The following FYB1 variants were observed in gnomAD, a reference collection of about 807,000 sequenced individuals.
The protein encoded by FYB1 is FYN-binding protein 1.
In FYB1, 41 loss-of-function variants were observed where a neutral mutation model predicts 94.1. The ratio of observed to expected loss-of-function variants is 0.44; its 90% confidence interval spans 0.34 to 0.57. The LOEUF (loss-of-function observed/expected upper bound fraction) is 0.57. Among genes scored for constraint, FYB1 ranks in the 20% least tolerant of loss-of-function variants. FYB1 has a pLI of 0.02. For synonymous variants in FYB1, 367 were observed against 353.2 expected (o/e 1.04, Z -0.44); for missense variants, 1,050 against 976.8 (o/e 1.07, Z -1.00).
Position 39,219,513 on chromosome 5 carries a change from T to C in FYB1, c.-98A>G, listed in dbSNP as rs6863066. 0.81 allele frequency: 796,493 copies of C among 985,256 alleles called. 329,478 individuals carry two copies. The highest frequency in any genetic ancestry group is 0.85 in the Non-Finnish European group (702,945 of 829,896). The allele number at this position is 985,256 out of a possible 1,614,324, so 61.0% of individuals were successfully genotyped here. ...TCTTCCTGGGCCAGGGTCTGGGCCC[T>C]ACTCACTTCTAGCTGTCGCATCTGC... On this transcript the variant is annotated 5_prime_UTR_variant, in exon 1 of 19. Coordinates refer to ENST00000512982, the MANE Select transcript of FYB1 (RefSeq NM_001465.6).
At position 39,118,922 on chromosome 5, in the gene FYB1, G is replaced by C. The variant is rs1580309088; in HGVS notation, c.2353C>G (p.Gln785Glu). The change falls in exon 16 of 19, where the codon CAA becomes GAA. Residue 785 changes from glutamine (Q) to glutamate (E), a missense_variant. Transcript: ENST00000512982. ...AGAACTTTTGTGTCATCTGTGGTTT[G>C]TATAACTTCTAGAGATTCACCAGGT... ...VKPGESLEVI[Q>E]TTDDTKVLCR... is the part of the protein sequence containing the mutation. 11 of 1,562,322 alleles carry C rather than the reference G, an allele frequency of 7.0e-6. No homozygotes were observed. The highest frequency in any genetic ancestry group is 8.7e-6 in the Non-Finnish European group (10 of 1,150,130).
chr5:39,236,119 G>T (rs1381838273), intron 1 of FYB1, among the ~76,000 whole-genome samples: 1 of 151,426 alleles, frequency 6.6e-6, no homozygotes, highest in African/African-American at 2.4e-5. Context: ...TGTGCCACAA[G>T]ATTTTAAAAG....
In FYB1 at chr5:39,141,155, A is replaced by G; in HGVS notation, c.1293-14T>C. ...TTGACAGGGCTTCTGAAAACGAGAA[A>G]GAAGAAACAGTGAACATGGAACAAG... On this transcript the variant is annotated splice_polypyrimidine_tract_variant and intron_variant, in intron 3 of 18. Coordinates refer to ENST00000512982, the MANE Select transcript of FYB1 (RefSeq NM_001465.6). 2 of 1,568,034 alleles carry G rather than the reference A, an allele frequency of 1.3e-6. No individual in the cohort carries two copies. The highest frequency in any genetic ancestry group is 2.3e-5 in the East Asian group (1 of 44,032).
At chr5:39,203,371 A>T (rs1366694321) in intron 1 of FYB1, among the ~76,000 whole-genome samples, 2 of 152,220 alleles carry the variant, frequency 1.3e-5, no homozygotes, top group Admixed American at 1.3e-4. Flanking sequence ...TCCATATTTT[A>T]TAATTGAAAC....
intron 2 of FYB1, among the ~76,000 whole-genome samples, chr5:39,154,210 A>G (rs1009255108): frequency 6.6e-6 from 1 of 152,136 alleles, no homozygotes; most frequent in African/African-American, 2.4e-5. Flanking sequence ...GTACCTAAAA[A>G]ATTTCTAGGT....
chr5:39,107,732 T>C (rs190817220), intron 18 of FYB1, among the ~76,000 whole-genome samples: 4 of 152,092 alleles, frequency 2.6e-5, no homozygotes, highest in African/African-American at 9.6e-5. Flanking sequence ...GTCATATACT[T>C]TTTGGTAGTC....
chr5:39,125,687 TG>T (rs1391164124), intron 12 of FYB1, among the ~76,000 whole-genome samples: 40 of 152,330 alleles, frequency 2.6e-4, no homozygotes, highest in African/African-American at 9.6e-4. Context: ...TGTTTGTGTA[TG>T]ACTGTGTGGA....
At chr5:39,121,136 G>C (rs778556968) in intron 14 of FYB1, among the ~76,000 whole-genome samples, 4 of 126,306 alleles carry the variant, frequency 3.2e-5, no homozygotes, top group Non-Finnish European at 6.3e-5. Flanking sequence ...GTGACTCTTT[G>C]TTCCTAGAGA....
In FYB1 at chr5:39,158,062, T is replaced by C. The variant is rs80083951; in HGVS notation, c.1136-4458A>G. Reference sequence around the variant, plus strand: ...AAAAAAAATTAAGGAAAATTGGTTGTATTTATATTAGGGAACAGTTTATAG... The same window carrying C: ...AAAAAAAATTAAGGAAAATTGGTTGCATTTATATTAGGGAACAGTTTATAG... On this transcript the variant is annotated intron_variant, in intron 2 of 18. Transcript: ENST00000512982. Among the ~76,000 whole-genome samples, 440 of 152,326 alleles carry C rather than the reference T, an allele frequency of 2.9e-3. 2 individuals are homozygous for C. Among genetic ancestry groups the C allele is most frequent in the African/African-American group, 0.01 (432 of 41,556 alleles).
chr5:39,130,395 T>G (rs141611700), intron 10 of FYB1, among the ~76,000 whole-genome samples, 195 bp downstream of exon 10: 5 of 152,194 alleles, frequency 3.3e-5, no homozygotes, highest in Non-Finnish European at 7.4e-5. Context: ...TACATTTCAA[T>G]ATAGCCAGAA....
At chr5:39,257,874 C>A (rs1344332671) in intron 1 of FYB1, among the ~76,000 whole-genome samples, 7 of 151,582 alleles carry the variant, frequency 4.6e-5, no homozygotes, top group African/African-American at 1.7e-4. Context: ...GGCACTCAAA[C>A]AGCTGCATAC....
At chr5:39,236,113 C>T (rs1750955431) in intron 1 of FYB1, among the ~76,000 whole-genome samples, 2 of 151,298 alleles carry the variant, frequency 1.3e-5, no homozygotes, top group South Asian at 4.2e-4. Flanking sequence ...TCTAGGTGTG[C>T]CACAAGATTT....
chr5:39,271,345 T>C (rs1752658183), intron 1 of FYB1, among the ~76,000 whole-genome samples: 3 of 152,212 alleles, frequency 2.0e-5, no homozygotes, highest in Admixed American at 6.5e-5. Context: ...AGTCAGACTT[T>C]CCAATCATCC....
rs1317445643 is a variant in FYB1, at chr5:39,201,920, C to G, written c.1041G>C (p.Leu347Phe). The G allele has an allele frequency of 6.2e-7, 1 of 1,614,002 alleles. No homozygotes were observed. The highest frequency in any genetic ancestry group is 1.7e-5 in the Admixed American group (1 of 60,024). Residue 347 changes from leucine (L) to phenylalanine (F), a missense_variant, in exon 2 of 19, where the codon TTG (leucine) becomes TTC (phenylalanine). By Grantham distance (22) the Leu-to-Phe change is conservative. Transcript: ENST00000512982. ...GTGGACCCAAGGTAAACAAGGGAGG[C>G]AATGGCTTCTGTTTCGGGGTGGCTG... ...KNSATPKQKPLPPLFTLGPPP... is the reference protein window; with the variant it reads ...KNSATPKQKPFPPLFTLGPPP...
rs112656513 is a variant in FYB1 at position 39,268,240 on chromosome 5, C to CT, written c.-28+6162dup. Among the ~76,000 whole-genome samples the CT allele has an allele frequency of 3.1e-3, 433 of 140,942 alleles. 1 individual carries two copies. Among genetic ancestry groups the CT allele is most frequent in the East Asian group, 8.4e-3 (41 of 4,860 alleles). 92.5% of individuals were successfully genotyped at this position (140,942 alleles called of 152,430 possible). On this transcript the variant is annotated intron_variant, in intron 1 of 1. Coordinates refer to the FYB1 transcript ENST00000510188. Reference sequence around the variant, plus strand: ...TCTGTATATTTATATTTCTTTTTTTCTTTTTTTTTTTTTTGAATACAGGGT... The same window carrying CT: ...TCTGTATATTTATATTTCTTTTTTTCTTTTTTTTTTTTTTTGAATACAGGGT...
At chr5:39,132,027 G>A (rs1199923157) in intron 9 of FYB1, among the ~76,000 whole-genome samples, 3 of 152,188 alleles carry the variant, frequency 2.0e-5, no homozygotes, top group Non-Finnish European at 4.4e-5. Context: ...AAATGGTAGA[G>A]GGGTATTTGC....
At chr5:39,252,710 C>CA (rs11368627) in intron 1 of FYB1, among the ~76,000 whole-genome samples, 48,809 of 151,900 alleles carry the variant, frequency 0.32, 9,503 homozygotes, top group African/African-American at 0.56. Flanking sequence ...GGGTTGGTGC[C>CA]TTTCTTTTTA....
intron 1 of FYB1, chr5:39,270,719 G>T: frequency 1.7e-6 from 1 of 583,420 alleles, no homozygotes; most frequent in Non-Finnish European, 2.8e-6. Context: ...GATATGTGAG[G>T]CTACATTTGC....
intron 2 of FYB1, among the ~76,000 whole-genome samples, chr5:39,169,043 A>G (rs931507040): frequency 1.3e-5 from 2 of 152,244 alleles, no homozygotes; most frequent in Non-Finnish European, 2.9e-5. Flanking sequence ...TAAAGGAAAT[A>G]GGAAGATTTA....
Sources: allele counts gnomAD v4.1 joint callset (sites outside exome capture counted in the v4.1 genomes callset), GRCh38; gene constraint gnomAD v4.1.1; transcripts MANE v1.5; gene names NCBI Gene and HGNC (gene_info 2026-07-23, HGNC 2026-07-21).